REEP3: variants seen among roughly 807,000 people sequenced by gnomAD.
REEP3 encodes the protein receptor accessory protein 3.
REEP3 carries 20 observed loss-of-function variants against 41.3 expected under a neutral mutation model. The ratio of observed to expected loss-of-function variants is 0.48; its 90% CI spans 0.34 to 0.70. REEP3 has a LOEUF of 0.70. Among genes scored for constraint, REEP3 ranks in the 30% least tolerant of loss-of-function variants. The pLI is 0.01. For missense variants in REEP3, 271 were observed against 308.8 expected, an observed-to-expected ratio of 0.88 and a Z score of 0.92; for synonymous variants, 104 against 101.8, an observed-to-expected ratio of 1.02 and a Z score of -0.13.
At chr10:63,578,542 G>T (rs111511291) in intron 2 of REEP3, among the ~76,000 whole-genome samples, 2 of 152,136 alleles carry the variant, frequency 1.3e-5, no homozygotes, top group African/African-American at 2.4e-5. Context: ...AGGCCGAGGT[G>T]GATGGATCAA....
chr10:63,571,374 G>C (rs868381677), intron 2 of REEP3, among the ~76,000 whole-genome samples: 3 of 152,258 alleles, frequency 2.0e-5, no homozygotes, highest in Non-Finnish European at 4.4e-5. Context: ...ACCCCTTCTG[G>C]AGGGTTTAGG....
At chr10:63,588,700 A>G (rs12264701) in intron 2 of REEP3, among the ~76,000 whole-genome samples, 11,108 of 152,218 alleles carry the variant, frequency 0.073, 1,358 homozygotes, top group African/African-American at 0.25. Flanking sequence ...GCAGAGGAAG[A>G]GGGGAAAGCA....
chr10:63,594,954 G>C (rs1956100108), intron 3 of REEP3, 100 bp downstream of exon 3: 11 of 779,540 alleles, frequency 1.4e-5, no homozygotes, highest in Non-Finnish European at 2.2e-5. Context: ...TTTTCATCAG[G>C]TTACCTAATT....
intron 2 of REEP3, among the ~76,000 whole-genome samples, chr10:63,580,381 C>T (rs1308699556): frequency 6.6e-6 from 1 of 152,142 alleles, no homozygotes; most frequent in African/African-American, 2.4e-5. Context: ...AAGTGACCTT[C>T]CCACTTCAGC....
intron 1 of REEP3, among the ~76,000 whole-genome samples, chr10:63,533,769 G>A (rs372695542): frequency 1.5e-5 from 2 of 133,110 alleles, no homozygotes; most frequent in African/African-American, 2.7e-5. Context: ...GTGCAGTGGC[G>A]CGATCTCAGC....
At chr10:63,590,887 A>G (rs976262247) in intron 2 of REEP3, among the ~76,000 whole-genome samples, 5 of 152,182 alleles carry the variant, frequency 3.3e-5, no homozygotes, top group Non-Finnish European at 5.9e-5. Context: ...CTTTTTTCCC[A>G]GTAGCTTAAA....
chr10:63,592,446 G>C (rs1470932977), intron 2 of REEP3, among the ~76,000 whole-genome samples: 1 of 151,858 alleles, frequency 6.6e-6, no homozygotes, highest in Non-Finnish European at 1.5e-5. Flanking sequence ...TTTGTTTTTT[G>C]TTTTCGGTAA....
chr10:63,528,291 T>C (rs1054252422), intron 1 of REEP3, among the ~76,000 whole-genome samples: 1 of 152,116 alleles, frequency 6.6e-6, no homozygotes, highest in Non-Finnish European at 1.5e-5. Flanking sequence ...TTTCCCCCAC[T>C]CTGTTAATGC....
At chr10:63,612,154 TA>T (rs1488520808) in intron 6 of REEP3, among the ~76,000 whole-genome samples, 2 of 152,062 alleles carry the variant, frequency 1.3e-5, no homozygotes, top group Non-Finnish European at 2.9e-5. Context: ...TTTTTATTTT[TA>T]TTTTTTTGTT....
At chr10:63,528,987 C>G (rs1955393452) in intron 1 of REEP3, among the ~76,000 whole-genome samples, 1 of 152,206 alleles carries the variant, frequency 6.6e-6, no homozygotes, top group South Asian at 2.1e-4. Flanking sequence ...GAAGTCTTTT[C>G]TCTAATATGT....
Position 63,599,247 on chromosome 10 carries a change from C to T in REEP3, c.381C>T (p.Asn127=), listed in dbSNP as rs767373735. The change falls in exon 5 of 8, where the codon AAC becomes AAT. Residue 127 remains asparagine (N), a synonymous_variant. Transcript: ENST00000373758. The part of the protein sequence containing the change: ...TMVNFGRQGL[N]LAATAAVTAA... Reference sequence around the variant, plus strand: ...TAAACTTTGGACGGCAAGGTTTAAACCTTGCAGCTACTGCTGCTGTTACTG... The same window carrying T: ...TAAACTTTGGACGGCAAGGTTTAAATCTTGCAGCTACTGCTGCTGTTACTG... 2.5e-6 allele frequency: 4 copies of T among 1,572,592 alleles called. No individual in the cohort carries two copies. The Admixed American group carries it at 7.8e-5, about 31-fold the overall frequency.
chr10:63,564,410 G>A (rs577495577), intron 1 of REEP3, among the ~76,000 whole-genome samples: 3 of 152,182 alleles, frequency 2.0e-5, no homozygotes, highest in African/African-American at 7.2e-5. Context: ...ATTGCTTGAG[G>A]TCAGGAGTTC....
chr10:63,521,750 C>A (rs1441618945), intron 1 of REEP3, 173 bp downstream of exon 1: 2 of 372,748 alleles, frequency 5.4e-6, no homozygotes, highest in African/African-American at 2.1e-5. Flanking sequence ...TGGTCCACGT[C>A]GCTGCGGAGC....
intron 1 of REEP3, among the ~76,000 whole-genome samples, chr10:63,536,881 A>C (rs575230548): frequency 6.6e-6 from 1 of 152,358 alleles, no homozygotes; most frequent in Admixed American, 6.5e-5. Context: ...TGTGTACAGC[A>C]ACAGGATCCT....
At chr10:63,576,615 G>A (rs1409139292) in intron 2 of REEP3, among the ~76,000 whole-genome samples, 1 of 152,118 alleles carries the variant, frequency 6.6e-6, no homozygotes, top group African/African-American at 2.4e-5. Flanking sequence ...GAGGGATTGG[G>A]GTTTAGGACT....
chr10:63,609,294 T>C (rs867977379), intron 5 of REEP3, among the ~76,000 whole-genome samples: 1 of 150,322 alleles, frequency 6.7e-6, no homozygotes, highest in Non-Finnish European at 1.5e-5. Flanking sequence ...CTACTAAAAA[T>C]ACAAAAAATT....
chr10:63,594,902 G>A lies in REEP3; in HGVS notation c.182+48G>A, dbSNP rs753803913. The A allele has an allele frequency of 1.5e-5, 17 of 1,151,756 alleles. No homozygotes were observed. In the South Asian group the frequency reaches 1.6e-4, roughly 11 times the overall value. The allele number at this position is 1,151,756 out of a possible 1,614,324, so 71.3% of individuals were successfully genotyped here. ...GGCCAGACTACAGACTCATAATCAG[G>A]TGTCCTAAGTTCTTATCCTGCTCTT... On this transcript the variant is annotated intron_variant, in intron 3 of 7. Coordinates refer to ENST00000373758, the MANE Select transcript of REEP3 (RefSeq NM_001001330.3).
intron 2 of REEP3, among the ~76,000 whole-genome samples, chr10:63,593,443 C>T (rs550405874): frequency 3.3e-5 from 5 of 152,298 alleles, no homozygotes; most frequent in African/African-American, 1.2e-4. Flanking sequence ...TTTTACCTCT[C>T]TGTGCCACTG....
chr10:63,539,336 T>C (rs1274945349), intron 1 of REEP3, among the ~76,000 whole-genome samples: 1 of 152,192 alleles, frequency 6.6e-6, no homozygotes, highest in Non-Finnish European at 1.5e-5. Flanking sequence ...TTTCTAACCA[T>C]ACTGACCCTT....
Sources: allele counts gnomAD v4.1 joint callset (sites outside exome capture counted in the v4.1 genomes callset), GRCh38; gene constraint gnomAD v4.1.1; transcripts MANE v1.5; gene names NCBI Gene and HGNC (gene_info 2026-07-23, HGNC 2026-07-21).